ROCK1: variants seen among roughly 807,000 people sequenced by gnomAD.
ROCK1 encodes Rho associated coiled-coil containing protein kinase 1.
A neutral mutation model predicts 196.8 loss-of-function variants in ROCK1; 36 were observed. That is an observed-to-expected ratio of 0.18 (90% confidence interval 0.14 to 0.24). The LOEUF (loss-of-function observed/expected upper bound fraction) is 0.24, where lower values mean the gene tolerates loss of function less well. ROCK1 is among the 10% of genes least tolerant of loss of function. The pLI is 1.00. For missense variants in ROCK1, 920 were observed against 1,562.0 expected (o/e 0.59, Z 6.93); for synonymous variants, 443 against 515.9 (o/e 0.86, Z 1.91).
At chr18:21,077,793 C>T (rs960266662) in intron 1 of ROCK1, among the ~76,000 whole-genome samples, 6 of 152,100 alleles carry the variant, frequency 3.9e-5, no homozygotes, top group African/African-American at 1.4e-4. Context: ...AGGAGTACCC[C>T]AGCAGAGGGC....
At chr18:20,988,911 T>C (rs2035599651) in intron 18 of ROCK1, among the ~76,000 whole-genome samples, 1 of 152,170 alleles carries the variant, frequency 6.6e-6, no homozygotes, top group Non-Finnish European at 1.5e-5. Context: ...GCCTTGTCTG[T>C]AGGCAGTCAA....
At chr18:21,007,106 A>G (rs1450777906) in intron 14 of ROCK1, among the ~76,000 whole-genome samples, 1 of 152,140 alleles carries the variant, frequency 6.6e-6, no homozygotes, top group East Asian at 1.9e-4. Context: ...CAAGAGTTCA[A>G]TTGCTTGATA....
At chr18:21,070,669 T>C (rs1332803455) in intron 1 of ROCK1, 56 bp from the exon 2 acceptor site, 3 of 1,111,326 alleles carry the variant, frequency 2.7e-6, no homozygotes. Flanking sequence ...ACAGTCTCCT[T>C]TTTTATGAAA....
chr18:20,975,746 G>A (rs1421702171), intron 22 of ROCK1, among the ~76,000 whole-genome samples: 2 of 152,118 alleles, frequency 1.3e-5, no homozygotes, highest in Admixed American at 1.3e-4. Context: ...GAGTAGCTGG[G>A]ACTACAGGCA....
At chr18:21,000,288 G>A (rs1484790530) in intron 16 of ROCK1, among the ~76,000 whole-genome samples, 1 of 151,702 alleles carries the variant, frequency 6.6e-6, no homozygotes, top group African/African-American at 2.4e-5. Flanking sequence ...TGGAGACAGG[G>A]TCTCACTGTG....
chr18:20,998,349 A>G (rs1289464445), intron 16 of ROCK1, among the ~76,000 whole-genome samples: 1 of 152,196 alleles, frequency 6.6e-6, no homozygotes, highest in African/African-American at 2.4e-5. Context: ...AAAGGTAGAA[A>G]AAGTTTCAAT....
chr18:20,963,470 C>CTG (rs57027910), intron 27 of ROCK1, among the ~76,000 whole-genome samples: 3,126 of 152,134 alleles, frequency 0.021, 106 homozygotes, highest in African/African-American at 0.072. Context: ...CTTCAAATCA[C>CTG]TAGATTTGGG....
At chr18:21,041,756 T>C (rs1331544233) in intron 8 of ROCK1, among the ~76,000 whole-genome samples, 4 of 152,270 alleles carry the variant, frequency 2.6e-5, no homozygotes, top group Admixed American at 1.3e-4. Flanking sequence ...GACTGTGAGA[T>C]GTACTCTAAT....
At chr18:21,002,391 T>A (rs2035732494) in intron 16 of ROCK1, among the ~76,000 whole-genome samples, 1 of 152,188 alleles carries the variant, frequency 6.6e-6, no homozygotes, top group South Asian at 2.1e-4. Context: ...TGCAAAGGGC[T>A]AACATATATT....
intron 1 of ROCK1, among the ~76,000 whole-genome samples, chr18:21,075,604 G>A (rs1462602364): frequency 1.3e-5 from 2 of 152,118 alleles, no homozygotes; most frequent in Non-Finnish European, 2.9e-5. Flanking sequence ...AGAATAAACA[G>A]GGAGAGTAGA....
At chr18:21,009,255 C>T (rs1165868418) in intron 13 of ROCK1, among the ~76,000 whole-genome samples, 5 of 148,778 alleles carry the variant, frequency 3.4e-5, no homozygotes, top group Non-Finnish European at 5.9e-5. Context: ...CCTCGTGATC[C>T]GCCCGCCTCA....
chr18:21,039,593 C>T, intron 8 of ROCK1, 30 bp from the exon 9 acceptor site: 3 of 1,478,496 alleles, frequency 2.0e-6, no homozygotes, highest in Non-Finnish European at 1.9e-6. Flanking sequence ...GAAAAGTAAT[C>T]AATCATTTAA....
chr18:21,102,793 G>T (rs2036670235), intron 1 of ROCK1, among the ~76,000 whole-genome samples: 1 of 152,034 alleles, frequency 6.6e-6, no homozygotes. Context: ...TTCAGCTCGG[G>T]AAGTGGAGGC....
chr18:21,051,196 C>T (rs2036201255), intron 2 of ROCK1, among the ~76,000 whole-genome samples: 1 of 152,028 alleles, frequency 6.6e-6, no homozygotes, highest in Admixed American at 6.6e-5. Flanking sequence ...GCCTGTAATC[C>T]CAAAACTTTG....
rs1184659214 is a variant in ROCK1, at chr18:21,104,113, A to G, written c.93+6705T>C. The stretch of plus-strand genomic sequence containing the variant: ...CTTCAGCAATAGAACTCTATATATA[A>G]TATTTCCTGATAAGTGGGTTTTTCT... On this transcript the variant is annotated intron_variant, in intron 1 of 32. Transcript: ENST00000399799. Among the ~76,000 whole-genome samples the G allele has an allele frequency of 6.6e-5, 10 of 152,320 alleles. No homozygotes were observed. In the East Asian group the frequency reaches 1.5e-3, roughly 23 times the overall value.
intron 1 of ROCK1, among the ~76,000 whole-genome samples, chr18:21,100,481 C>A (rs867675745): frequency 8.6e-5 from 13 of 151,494 alleles, no homozygotes; most frequent in African/African-American, 3.2e-4. Context: ...AAGAAGCCCC[C>A]ATCAGCCAAA....
chr18:21,107,618 G>T (rs2036713837), intron 1 of ROCK1, among the ~76,000 whole-genome samples: 1 of 152,268 alleles, frequency 6.6e-6, no homozygotes, highest in East Asian at 1.9e-4. Context: ...TGAAAAAGCT[G>T]AAGTCACCTG....
chr18:21,003,171 T>C (rs868815795), intron 16 of ROCK1, among the ~76,000 whole-genome samples: 2 of 152,088 alleles, frequency 1.3e-5, no homozygotes, highest in African/African-American at 4.8e-5. Context: ...CAGAGCAACA[T>C]GCTAAATGAT....
rs1389306375 is a variant in ROCK1, at chr18:21,042,549, A to C, written c.820+16T>G. ...GAACAACTGTAATAGAGAGACATAA[A>C]ATCTTCCTTACTCACCTACAAGCAT... On this transcript the variant is annotated intron_variant, in intron 7 of 32. Transcript: ENST00000399799. 1.2e-6 allele frequency: 2 copies of C among 1,612,040 alleles called. No individual in the cohort carries two copies. The highest frequency in any genetic ancestry group is 1.7e-5 in the Admixed American group (1 of 59,756).
Sources: allele counts gnomAD v4.1 joint callset (sites outside exome capture counted in the v4.1 genomes callset), GRCh38; gene constraint gnomAD v4.1.1; transcripts MANE v1.5; gene names NCBI Gene and HGNC (gene_info 2026-07-23, HGNC 2026-07-21).